OSBPL6: variants seen among roughly 807,000 people sequenced by gnomAD.
OSBPL6 encodes the protein oxysterol binding protein like 6.
In OSBPL6, 49 loss-of-function variants were observed where a neutral mutation model predicts 125.8. The ratio of observed to expected loss-of-function variants is 0.39; its 90% CI spans 0.31 to 0.49. The LOEUF (loss-of-function observed/expected upper bound fraction) is 0.49. Among genes scored for constraint, OSBPL6 ranks in the 20% least tolerant of loss-of-function variants. OSBPL6 has a pLI of 0.88. For synonymous variants in OSBPL6, 394 were observed against 391.8 expected, an observed-to-expected ratio of 1.01 and a Z score of -0.07; for missense variants, 986 against 1,135.4, an observed-to-expected ratio of 0.87 and a Z score of 1.89.
intron 11 of OSBPL6, among the ~76,000 whole-genome samples, chr2:178,347,298 A>C (rs1690814168): frequency 6.6e-6 from 1 of 152,112 alleles, no homozygotes; most frequent in Admixed American, 6.6e-5. Flanking sequence ...AATGCAGATA[A>C]AATCCTTTTC....
intron 1 of OSBPL6, among the ~76,000 whole-genome samples, chr2:178,248,614 G>A (rs532017633): frequency 2.0e-5 from 3 of 152,308 alleles, no homozygotes; most frequent in African/African-American, 7.2e-5. Context: ...ATGCAAAAGT[G>A]TCTGGTTCCT....
chr2:178,324,654 G>A (rs558985939), intron 4 of OSBPL6, among the ~76,000 whole-genome samples: 2 of 152,132 alleles, frequency 1.3e-5, no homozygotes, highest in Admixed American at 6.5e-5. Flanking sequence ...CTGCATCACC[G>A]GACACTATGA....
At chr2:178,250,318 T>C (rs1574629017) in intron 1 of OSBPL6, among the ~76,000 whole-genome samples, 1 of 152,238 alleles carries the variant, frequency 6.6e-6, no homozygotes, top group South Asian at 2.1e-4. Flanking sequence ...TTGCTGATTC[T>C]ATCTTTCAAA....
intron 2 of OSBPL6, among the ~76,000 whole-genome samples, chr2:178,291,477 A>ATTTTATTGCTTCTTCT (rs1685255042): frequency 6.6e-6 from 1 of 152,108 alleles, no homozygotes. Flanking sequence ...CAGTGTTTTT[A>ATTTTATTGCTTCTTCT]TTTTATTGCT....
intron 2 of OSBPL6, among the ~76,000 whole-genome samples, chr2:178,286,541 G>A (rs1684708458): frequency 1.3e-5 from 2 of 152,206 alleles, no homozygotes; most frequent in South Asian, 2.1e-4. Context: ...GAAGTAAGAA[G>A]ACTTTTCAAA....
intron 1 of OSBPL6, among the ~76,000 whole-genome samples, chr2:178,226,346 A>G (rs114874422): frequency 0.011 from 1,606 of 145,758 alleles, 18 homozygotes; most frequent in Non-Finnish European, 0.017. Flanking sequence ...GTCACCTTCC[A>G]TGCTGGTGGT....
chr2:178,234,144 C>T (rs1313044711), intron 1 of OSBPL6, among the ~76,000 whole-genome samples: 1 of 152,104 alleles, frequency 6.6e-6, no homozygotes, highest in African/African-American at 2.4e-5. Context: ...TGTCTGAAGT[C>T]ATATCATTTA....
chr2:178,347,097 A>C (rs1467740778), intron 11 of OSBPL6, among the ~76,000 whole-genome samples: 1 of 151,656 alleles, frequency 6.6e-6, no homozygotes, highest in African/African-American at 2.4e-5. Context: ...ATCTGACTCC[A>C]ACATTTAATA....
chr2:178,247,649 C>T (rs1460876073), intron 1 of OSBPL6, among the ~76,000 whole-genome samples: 1 of 152,150 alleles, frequency 6.6e-6, no homozygotes, highest in Non-Finnish European at 1.5e-5. Flanking sequence ...GAAGTAGCAC[C>T]TCTCCAAAGC....
intron 1 of OSBPL6, among the ~76,000 whole-genome samples, chr2:178,195,111 AGAGCG>A (rs2088794092): frequency 6.6e-6 from 1 of 152,156 alleles, no homozygotes; most frequent in Non-Finnish European, 1.5e-5. Context: ...GGCGCGGGTG[AGAGCG>A]CCCGCGCCCG....
Position 178,395,557 on chromosome 2 carries a change from T to G in OSBPL6, c.2803T>G (p.Ter935GluextTer14), listed in dbSNP as rs376935919. ...CAAAGTAGACAGCCCTGTTCTTTGGTAGACTGGGAATGTAGAGCTAGCCAA... is the reference window on the plus strand; with the variant it reads ...CAAAGTAGACAGCCCTGTTCTTTGGGAGACTGGGAATGTAGAGCTAGCCAA... ...FSKVDSPVLW* is the reference protein window; with the variant it reads ...FSKVDSPVLWE Residue 935 changes from the stop codon to glutamate, a stop_lost, in exon 25 of 25, where the codon TAG becomes GAG. Transcript: ENST00000190611. 1 of 1,601,878 alleles carries G rather than the reference T, an allele frequency of 6.2e-7. No homozygotes were observed. Among genetic ancestry groups the G allele is most frequent in the African/African-American group, 1.3e-5 (1 of 74,578 alleles).
intron 1 of OSBPL6, among the ~76,000 whole-genome samples, chr2:178,218,617 T>A (rs1339106525): frequency 2.1e-5 from 3 of 145,128 alleles, no homozygotes; most frequent in Non-Finnish European, 3.0e-5. Context: ...CCGTCTTTTA[T>A]CCCCCTTCTT....
At position 178,290,665 on chromosome 2, in the gene OSBPL6, G is replaced by A. The variant is rs752724293; in HGVS notation, c.-156+5544G>A. The stretch of plus-strand genomic sequence containing the variant: ...ACTCTACTTTTTGATACAACAGGTT[G>A]CCCCAAATTCTTTTTGTGCATTCCA... On this transcript the variant is annotated intron_variant, in intron 2 of 24. Transcript: ENST00000190611. 2.7e-4 allele frequency among the ~76,000 whole-genome samples: 41 copies of A among 152,038 alleles called. 1 individual carries two copies. Among genetic ancestry groups the A allele is most frequent in the Non-Finnish European group, 8.8e-5 (6 of 68,000 alleles).
At chr2:178,355,185 G>A (rs1038109888) in intron 12 of OSBPL6, among the ~76,000 whole-genome samples, 5 of 152,072 alleles carry the variant, frequency 3.3e-5, no homozygotes, top group African/African-American at 1.2e-4. Context: ...AACTAGAGAA[G>A]CAAGAGCAAA....
At chr2:178,202,346 A>G (rs963177727) in intron 1 of OSBPL6, among the ~76,000 whole-genome samples, 1 of 152,110 alleles carries the variant, frequency 6.6e-6, no homozygotes, top group Non-Finnish European at 1.5e-5. Context: ...TGTGTGTCTG[A>G]AAGTGTCTTT....
chr2:178,382,414 C>T lies in OSBPL6; in HGVS notation c.1534-6C>T, dbSNP rs62176090. On this transcript the variant is annotated splice_region_variant and splice_polypyrimidine_tract_variant and intron_variant, in intron 15 of 24. Coordinates refer to ENST00000190611, the MANE Select transcript of OSBPL6 (RefSeq NM_032523.4). ...TCTGATCCTTGTATGTTCTTCCCTT[C>T]CTTAGGCTTCAGATGATGAGTCTTA... 4 of 1,594,018 alleles carry T rather than the reference C, an allele frequency of 2.5e-6. No homozygotes were observed. The highest frequency in any genetic ancestry group is 2.3e-5 in the South Asian group (2 of 87,990).
chr2:178,307,482 C>T (rs1056838144), intron 3 of OSBPL6, among the ~76,000 whole-genome samples: 7 of 152,078 alleles, frequency 4.6e-5, no homozygotes, highest in Non-Finnish European at 1.0e-4. Flanking sequence ...AGTTCAAAGA[C>T]GACACCTATA....
chr2:178,226,401 G>T (rs1042205163), intron 1 of OSBPL6, among the ~76,000 whole-genome samples: 1 of 152,140 alleles, frequency 6.6e-6, no homozygotes, highest in African/African-American at 2.4e-5. Flanking sequence ...GCTTCCTGGA[G>T]CCCAGAGAAG....
intron 13 of OSBPL6, among the ~76,000 whole-genome samples, chr2:178,363,549 G>C (rs957727375): frequency 1.3e-5 from 2 of 152,106 alleles, no homozygotes; most frequent in African/African-American, 4.8e-5. Flanking sequence ...TCAGAGGAAT[G>C]GCAGATCCCT....
Sources: allele counts gnomAD v4.1 joint callset (sites outside exome capture counted in the v4.1 genomes callset), GRCh38; gene constraint gnomAD v4.1.1; transcripts MANE v1.5; gene names NCBI Gene and HGNC (gene_info 2026-07-23, HGNC 2026-07-21).